BCLAF1: variants seen among roughly 807,000 people sequenced by gnomAD.
The protein encoded by BCLAF1 is BCL2 associated transcription factor 1.
A neutral mutation model predicts 99.5 loss-of-function variants in BCLAF1; 10 were observed. The observed-to-expected ratio is 0.10, with a 90% CI of 0.06 to 0.17. The LOEUF (loss-of-function observed/expected upper bound fraction) is 0.17, where lower values mean the gene tolerates loss of function less well. Among genes scored for constraint, BCLAF1 ranks in the 10% least tolerant of loss-of-function variants. The probability of loss-of-function intolerance (pLI) is 1.00; values close to 1 mark genes in which losing one functional copy is unlikely to be tolerated. For missense variants in BCLAF1, 636 were observed against 1,105.8 expected, an observed-to-expected ratio of 0.58 and a Z score of 6.02; for synonymous variants, 255 against 370.9, an observed-to-expected ratio of 0.69 and a Z score of 3.59.
At chr6:136,264,725 T>C (rs761569546) in intron 11 of BCLAF1, among the ~76,000 whole-genome samples, 2 of 152,186 alleles carry the variant, frequency 1.3e-5, no homozygotes, top group Non-Finnish European at 2.9e-5. Flanking sequence ...CAATGGCTCA[T>C]AAGTAAAAAC....
intron 1 of BCLAF1, among the ~76,000 whole-genome samples, chr6:136,284,339 TAA>T (rs1784830876): frequency 6.6e-6 from 1 of 151,800 alleles, no homozygotes; most frequent in African/African-American, 2.4e-5. Context: ...ATAACTCAAA[TAA>T]TACACAAAAT....
intron 8 of BCLAF1, 72 bp downstream of exon 8, chr6:136,271,923 A>C: frequency 8.8e-7 from 1 of 1,135,258 alleles, no homozygotes; most frequent in Non-Finnish European, 1.3e-6. Context: ...TTGCCTTGAG[A>C]AACTATATTT....
At chr6:136,272,140 C>T in intron 7 of BCLAF1, 61 bp from the exon 8 acceptor site, 2 of 1,169,998 alleles carry the variant, frequency 1.7e-6, no homozygotes, top group Non-Finnish European at 2.4e-6. Context: ...CAAAAACATC[C>T]ACACGATTAT....
chr6:136,282,499 T>G (rs1784507345), intron 2 of BCLAF1, 85 bp downstream of exon 2: 1 of 152,128 alleles, frequency 6.6e-6, no homozygotes. Context: ...TCATTTTTAA[T>G]CACTCCATCT....
chr6:136,278,915 T>C, intron 3 of BCLAF1, 139 bp from the exon 4 acceptor site: 5 of 865,558 alleles, frequency 5.8e-6, no homozygotes, highest in Non-Finnish European at 3.3e-6. Context: ...TGTACAAAAG[T>C]TAATGGTTTC....
intron 1 of BCLAF1, among the ~76,000 whole-genome samples, chr6:136,286,652 T>C (rs1028856552): frequency 6.6e-6 from 1 of 152,238 alleles, no homozygotes; most frequent in Non-Finnish European, 1.5e-5. Flanking sequence ...ATCAGCATCA[T>C]TTAGAAGTCT....
intron 11 of BCLAF1, among the ~76,000 whole-genome samples, chr6:136,263,863 A>T (rs1320845328): frequency 1.3e-5 from 2 of 152,206 alleles, no homozygotes; most frequent in Non-Finnish European, 2.9e-5. Flanking sequence ...AATTTTTATT[A>T]TTGAAAACAT....
chr6:136,264,816 T>A (rs552854964), intron 11 of BCLAF1, among the ~76,000 whole-genome samples: 2 of 152,302 alleles, frequency 1.3e-5, no homozygotes, highest in East Asian at 3.9e-4. Context: ...ATCATCAGTC[T>A]GTGGCAAATC....
At chr6:136,264,241 C>G (rs143934249) in intron 11 of BCLAF1, among the ~76,000 whole-genome samples, 195 of 152,298 alleles carry the variant, frequency 1.3e-3, no homozygotes, top group Middle Eastern at 3.4e-3. Flanking sequence ...GATTCTCACT[C>G]TGTCACACAG....
chr6:136,289,045 G>C (rs1470180839), intron 1 of BCLAF1, among the ~76,000 whole-genome samples: 2 of 152,168 alleles, frequency 1.3e-5, no homozygotes, highest in Non-Finnish European at 2.9e-5. Flanking sequence ...GTTGCCGCGG[G>C]TACCGAAATT....
intron 7 of BCLAF1, among the ~76,000 whole-genome samples, chr6:136,272,293 AGT>A (rs767224239): frequency 6.6e-6 from 1 of 151,984 alleles, no homozygotes; most frequent in Non-Finnish European, 1.5e-5. Context: ...TTTATATAGA[AGT>A]GAAGTCTGGC....
Position 136,278,234 on chromosome 6 carries a change from A to T in BCLAF1, c.647T>A (p.Leu216His), listed in dbSNP as rs1157785930. 1 of 1,614,064 alleles carries T rather than the reference A, an allele frequency of 6.2e-7. No homozygotes were observed. Among genetic ancestry groups the T allele is most frequent in the Admixed American group, 1.7e-5 (1 of 59,978 alleles). Residue 216 changes from leucine (L) to histidine (H), a missense_variant, in exon 4 of 13, where the codon CTT becomes CAT. By Grantham distance (99) the Leu-to-His change is moderately conservative. Coordinates refer to ENST00000531224, the MANE Select transcript of BCLAF1 (RefSeq NM_014739.3). ...SATSGDIWPG[L>H]SAYDNSPRSP... Reference sequence around the variant, plus strand: ...TCTAGGACTATTATCATAAGCTGAAAGGCCAGGCCAAATATCACCGGATGT... The same window carrying T: ...TCTAGGACTATTATCATAAGCTGAATGGCCAGGCCAAATATCACCGGATGT...
intron 2 of BCLAF1, 85 bp from the exon 3 acceptor site, chr6:136,279,961 T>A: frequency 2.3e-6 from 3 of 1,284,358 alleles, no homozygotes; most frequent in Non-Finnish European, 3.0e-6. Context: ...CAGATAAAAT[T>A]TGATTTTTAC....
chr6:136,278,320 C>T lies in BCLAF1; in HGVS notation c.561G>A (p.Pro187=), dbSNP rs6939752. 13,615 of 1,610,288 alleles carry T rather than the reference C, an allele frequency of 8.5e-3. No individual in the cohort carries two copies. The African/African-American group carries it at 0.12, about 14-fold the overall frequency. ...ATGGGTCATGTTCAAATGTATCTTT[C>T]GGTTCCTCCTGTGATTTACTTTTCA... ...SPLKSKSQEE[P]KDTFEHDPSE... The change falls in exon 4 of 13, where the codon CCG becomes CCA. Residue 187 remains proline, a synonymous_variant. Coordinates refer to ENST00000531224, the MANE Select transcript of BCLAF1 (RefSeq NM_014739.3).
At position 136,268,415 on chromosome 6, in the gene BCLAF1, A is replaced by G. The variant is rs1473291147; in HGVS notation, c.2220-76T>C. ...CCTGCTGAATCTTACAACAGAAGAG[A>G]TATTTTTCAAGTCAACAACACTATC... On this transcript the variant is annotated intron_variant, in intron 9 of 12. Transcript: ENST00000531224. 9 of 1,332,482 alleles carry G rather than the reference A, an allele frequency of 6.8e-6. 1 individual carries two copies. The Admixed American group carries it at 1.7e-4, about 25-fold the overall frequency. The allele number at this position is 1,332,482 out of a possible 1,614,324, so 82.5% of individuals were successfully genotyped here.
intron 1 of BCLAF1, among the ~76,000 whole-genome samples, chr6:136,284,166 A>C (rs1233644700): frequency 6.8e-6 from 1 of 146,672 alleles, no homozygotes; most frequent in East Asian, 2.0e-4. Context: ...ATATCCAGAG[A>C]AGACCCAACT....
At chr6:136,284,009 A>G (rs1299532496) in intron 1 of BCLAF1, among the ~76,000 whole-genome samples, 1 of 151,738 alleles carries the variant, frequency 6.6e-6, no homozygotes, top group Non-Finnish European at 1.5e-5. Context: ...TCTGACCTGG[A>G]AAGTCATTAC....
At chr6:136,266,163 A>C (rs1215896806) in intron 11 of BCLAF1, among the ~76,000 whole-genome samples, 6 of 152,056 alleles carry the variant, frequency 3.9e-5, no homozygotes, top group Non-Finnish European at 8.8e-5. Flanking sequence ...TATAGCTATA[A>C]CCTCTAAGTA....
chr6:136,271,698 T>C (rs1562242864), intron 8 of BCLAF1, among the ~76,000 whole-genome samples: 1 of 151,942 alleles, frequency 6.6e-6, no homozygotes, highest in Non-Finnish European at 1.5e-5. Flanking sequence ...CTAATTTGTA[T>C]CTTTGATTTT....
Sources: gnomAD v4.1 joint callset for allele counts (sites outside exome capture counted in the v4.1 genomes callset) on GRCh38, gnomAD v4.1.1 for gene constraint, MANE v1.5 for transcripts, NCBI Gene and HGNC (gene_info 2026-07-23, HGNC 2026-07-21) for gene names.